Variants in ARMC2 observed in about 807,000 individuals in gnomAD.
The protein encoded by ARMC2 is armadillo repeat containing 2, also known as armadillo repeat-containing protein 2.
Under a neutral mutation model 90.3 loss-of-function variants are expected in ARMC2, and 67 were observed. That is an observed-to-expected ratio of 0.74 (90% confidence interval 0.61 to 0.91). ARMC2 has a LOEUF of 0.91. Ranked by LOEUF, ARMC2 falls within the 40% of genes least tolerant of loss-of-function variation. The probability of loss-of-function intolerance (pLI) is 0.00; values close to 1 mark genes in which losing one functional copy is unlikely to be tolerated. For synonymous variants in ARMC2, 393 were observed against 393.0 expected, an observed-to-expected ratio of 1.00 and a Z score of 0.00; for missense variants, 920 against 1,030.9, an observed-to-expected ratio of 0.89 and a Z score of 1.47.
intron 11 of ARMC2, among the ~76,000 whole-genome samples, chr6:108,933,821 T>C (rs950535696): frequency 6.6e-6 from 1 of 152,158 alleles, no homozygotes; most frequent in African/African-American, 2.4e-5. Context: ...ATGGCACTTA[T>C]TATTTTGAGG....
chr6:108,870,446 GTGTGGTCCCTGA>G (rs926824549), intron 4 of ARMC2, among the ~76,000 whole-genome samples: 9 of 151,838 alleles, frequency 5.9e-5, no homozygotes, highest in African/African-American at 2.2e-4. Flanking sequence ...TCACTTGCCT[GTGTGGTCCCTGA>G]TGTGGCTGAA....
chr6:108,894,769 T>TG (rs1294621504), intron 6 of ARMC2, among the ~76,000 whole-genome samples: 3 of 139,942 alleles, frequency 2.1e-5, no homozygotes, highest in African/African-American at 8.2e-5. Context: ...TCTTTTTTTT[T>TG]TTTTTTTTTT....
chr6:108,927,154 G>A (rs528067043), intron 10 of ARMC2, among the ~76,000 whole-genome samples: 3 of 152,226 alleles, frequency 2.0e-5, no homozygotes, highest in South Asian at 2.1e-4. Flanking sequence ...ACAACCCCCC[G>A]AGAGGTGAGC....
intron 15 of ARMC2, among the ~76,000 whole-genome samples, chr6:108,962,658 G>A (rs896147183): frequency 1.3e-5 from 2 of 152,178 alleles, no homozygotes; most frequent in Admixed American, 1.3e-4. Flanking sequence ...AGGTATTCAC[G>A]TAGTGATGCT....
At chr6:108,923,100 G>A (rs1447217582) in intron 10 of ARMC2, 1 of 152,122 alleles carries the variant, frequency 6.6e-6, no homozygotes, top group Admixed American at 6.5e-5. Context: ...GAAAAGATAG[G>A]AATTAAAACT....
chr6:108,967,417 G>C (rs1270356613), intron 17 of ARMC2, among the ~76,000 whole-genome samples: 1 of 152,204 alleles, frequency 6.6e-6, no homozygotes, highest in East Asian at 1.9e-4. Context: ...AGATGGATCA[G>C]AAGGAGGTGT....
downstream of ARMC2, among the ~76,000 whole-genome samples, chr6:108,978,479 G>C (rs1465093241): frequency 6.6e-5 from 10 of 152,178 alleles, no homozygotes; most frequent in Non-Finnish European, 1.5e-4. Flanking sequence ...CTGTTGATTT[G>C]GGGTGGAGAG....
intron 10 of ARMC2, among the ~76,000 whole-genome samples, chr6:108,915,027 A>C (rs1444437735): frequency 6.6e-6 from 1 of 151,112 alleles, no homozygotes; most frequent in Non-Finnish European, 1.5e-5. Context: ...ACCTTGGCTC[A>C]CTGCAACCTC....
At chr6:108,851,796 G>T (rs1249437258) in intron 1 of ARMC2, among the ~76,000 whole-genome samples, 1 of 152,128 alleles carries the variant, frequency 6.6e-6, no homozygotes, top group Non-Finnish European at 1.5e-5. Flanking sequence ...TTTTTTAAAA[G>T]ATTCTATCCA....
At chr6:108,874,708 G>A (rs892608906) in intron 4 of ARMC2, among the ~76,000 whole-genome samples, 8 of 152,156 alleles carry the variant, frequency 5.3e-5, no homozygotes, top group African/African-American at 1.4e-4. Context: ...CAGAGTGGGT[G>A]CCCCGGGGGG....
At chr6:109,004,372 T>C in the ARMC2 span, among the ~76,000 whole-genome samples, 1 of 150,754 alleles carries the variant, frequency 6.6e-6, no homozygotes. Context: ...TATTTGCCAC[T>C]CAAATAACAA....
intron 8 of ARMC2, 47 bp from the exon 9 acceptor site, chr6:108,910,852 A>G (rs752728536): frequency 6.7e-6 from 6 of 891,274 alleles, no homozygotes; most frequent in South Asian, 2.0e-5. Context: ...TTAATACAGC[A>G]TGTCTTTATT....
chr6:108,849,790 A>G (rs1330644885), intron 1 of ARMC2, among the ~76,000 whole-genome samples: 3 of 152,276 alleles, frequency 2.0e-5, no homozygotes, highest in African/African-American at 7.2e-5. Flanking sequence ...TATTATTACT[A>G]TCCACCTTTT....
At chr6:108,989,564 G>C in the ARMC2 span, among the ~76,000 whole-genome samples, 1 of 104,148 alleles carries the variant, frequency 9.6e-6, no homozygotes, top group Non-Finnish European at 2.0e-5. Context: ...TAGATCTCTA[G>C]ATCTAGAGAT....
At chr6:108,985,334 T>A in the ARMC2 span, among the ~76,000 whole-genome samples, 9 of 152,130 alleles carry the variant, frequency 5.9e-5, no homozygotes, top group African/African-American at 2.2e-4. Flanking sequence ...ACCAGAAATC[T>A]TCTCATGATT....
At chr6:108,988,144 C>G in the ARMC2 span, among the ~76,000 whole-genome samples, 1 of 152,136 alleles carries the variant, frequency 6.6e-6, no homozygotes, top group Non-Finnish European at 1.5e-5. Context: ...TATCATGTTT[C>G]TTGGAGGTTT....
chr6:108,999,789 G>A, the ARMC2 span: 1 of 152,262 alleles, frequency 6.6e-6, no homozygotes, highest in Non-Finnish European at 1.5e-5. Flanking sequence ...CAAATGAGGT[G>A]AAAACTTTTG....
At chr6:108,940,167 G>C (rs1776318097) in intron 12 of ARMC2, among the ~76,000 whole-genome samples, 1 of 152,186 alleles carries the variant, frequency 6.6e-6, no homozygotes, top group Non-Finnish European at 1.5e-5. Flanking sequence ...TCAAGAGGCT[G>C]AGGCAGGAGA....
At chr6:108,944,828 C>T (rs530423038) in intron 12 of ARMC2, among the ~76,000 whole-genome samples, 1 of 152,026 alleles carries the variant, frequency 6.6e-6, no homozygotes, top group South Asian at 2.1e-4. Flanking sequence ...TCTGGCTCAC[C>T]AACAGTCTCA....
Sources: gnomAD v4.1 joint callset for allele counts (sites outside exome capture counted in the v4.1 genomes callset) on GRCh38, gnomAD v4.1.1 for gene constraint, MANE v1.5 for transcripts, NCBI Gene and HGNC (gene_info 2026-07-23, HGNC 2026-07-21) for gene names.